Variants in MTTP observed in about 807,000 individuals in gnomAD.
The protein encoded by MTTP is microsomal triglyceride transfer protein large subunit.
A neutral mutation model predicts 90.6 loss-of-function variants in MTTP; 49 were observed. The ratio of observed to expected loss-of-function variants is 0.54; its 90% confidence interval spans 0.43 to 0.69. MTTP has a LOEUF of 0.69. Among genes scored for constraint, MTTP ranks in the 30% least tolerant of loss-of-function variants. The pLI, the probability that MTTP is intolerant of heterozygous loss-of-function variation, is 0.00. For missense variants in MTTP, 945 were observed against 1,067.5 expected, an observed-to-expected ratio of 0.89 and a Z score of 1.60; for synonymous variants, 347 against 384.2, an observed-to-expected ratio of 0.90 and a Z score of 1.13.
chr4:99,608,977 G>A lies in MTTP; in HGVS notation c.1769G>A (p.Ser590Asn), dbSNP rs199422222. The A allele has an allele frequency of 2.5e-6, 4 of 1,608,752 alleles. No homozygotes were observed. Among genetic ancestry groups the A allele is most frequent in the Admixed American group, 1.7e-5 (1 of 59,992 alleles). The change falls in exon 12 of 18, where the codon AGC becomes AAC. Residue 590 changes from serine (S) to asparagine (N), a missense_variant and splice_region_variant. Transcript: ENST00000265517. ...ATCCTACGTTTTGAAATGCCTGCAA[G>A]GTATAATACATTGCACATGTCTCTC... ...QDILRFEMPA[S>N]KIVRRVLKEM... is the part of the protein sequence containing the mutation.
chr4:99,603,760 T>A (rs552067872), intron 10 of MTTP, among the ~76,000 whole-genome samples: 1 of 152,216 alleles, frequency 6.6e-6, no homozygotes, highest in Admixed American at 6.5e-5. Context: ...AACAGGCAGG[T>A]GTCCACATTC....
chr4:99,591,839 T>C lies in MTTP; in HGVS notation c.758+49T>C, dbSNP rs376522475. ...TTTTCTTTGCTATTCTTTGTTATAT[T>C]ATTATACTTGATTTGTAAATAGATC... On this transcript the variant is annotated intron_variant, in intron 6 of 17. Transcript: ENST00000265517. The C allele has an allele frequency of 3.0e-5, 44 of 1,468,210 alleles. No homozygotes were observed. The African/African-American group carries it at 5.4e-4, about 18-fold the overall frequency. 90.9% of individuals were successfully genotyped at this position (1,468,210 alleles called of 1,614,324 possible). A position where few individuals can be genotyped will look rare whatever the true frequency, so the allele number is the denominator to read the frequency against.
At chr4:99,584,914 A>C (rs1415350684) in intron 3 of MTTP, among the ~76,000 whole-genome samples, 1 of 152,084 alleles carries the variant, frequency 6.6e-6, no homozygotes, top group Non-Finnish European at 1.5e-5. Context: ...TATTTTATGA[A>C]GCCTTCTCCG....
At chr4:99,591,812 T>C (rs1725429755) in intron 6 of MTTP, 22 bp downstream of exon 6, 1 of 1,581,334 alleles carries the variant, frequency 6.3e-7, no homozygotes, top group Admixed American at 1.7e-5. Flanking sequence ...CTAAAATTTT[T>C]ATTTTCTTTG....
intron 15 of MTTP, among the ~76,000 whole-genome samples, chr4:99,615,010 A>T (rs1726064215): frequency 6.6e-6 from 1 of 152,244 alleles, no homozygotes; most frequent in Non-Finnish European, 1.5e-5. Context: ...TAATGAAAGA[A>T]TCGTCTAAAG....
chr4:99,574,713 G>A (rs1327951418), upstream of MTTP: 31 of 1,258,312 alleles, frequency 2.5e-5, no homozygotes, highest in South Asian at 1.4e-4. Context: ...GCCCACCTAC[G>A]TTTAATCATT....
chr4:99,581,291 C>T (rs536467284), intron 1 of MTTP, among the ~76,000 whole-genome samples: 3 of 152,272 alleles, frequency 2.0e-5, no homozygotes, highest in East Asian at 3.9e-4. Flanking sequence ...TAAGCCTGTA[C>T]TAAGATTTCA....
chr4:99,580,601 G>A (rs1216212709), intron 1 of MTTP, among the ~76,000 whole-genome samples: 2,943 of 69,764 alleles, frequency 0.042, no homozygotes, highest in East Asian at 0.13. Context: ...AAAAAAAAAA[G>A]AATCATGTCT....
At chr4:99,586,734 T>C (rs7654460) in intron 3 of MTTP, among the ~76,000 whole-genome samples, 4,789 of 152,198 alleles carry the variant, frequency 0.031, 104 homozygotes, top group Non-Finnish European at 0.037. Flanking sequence ...CCTCTTATTC[T>C]TAAAATAAAT....
intron 1 of MTTP, among the ~76,000 whole-genome samples, chr4:99,580,744 A>G (rs1725089449): frequency 6.6e-6 from 1 of 152,146 alleles, no homozygotes; most frequent in Non-Finnish European, 1.5e-5. Flanking sequence ...ATAAGTTAAT[A>G]CATGTAACAT....
intron 1 of MTTP, among the ~76,000 whole-genome samples, chr4:99,566,288 CAAAAA>C (rs772513158): frequency 3.7e-5 from 3 of 80,448 alleles, no homozygotes; most frequent in Non-Finnish European, 7.2e-5. Context: ...TACTCCGTCT[CAAAAA>C]AAAGAAAAAA....
chr4:99,593,209 G>T (rs1424575737), intron 6 of MTTP, among the ~76,000 whole-genome samples: 2 of 152,034 alleles, frequency 1.3e-5, no homozygotes, highest in African/African-American at 4.8e-5. Flanking sequence ...ACAATTCACG[G>T]CACATGGTAA....
chr4:99,599,029 T>G (rs1324800015), intron 8 of MTTP, among the ~76,000 whole-genome samples: 1 of 152,166 alleles, frequency 6.6e-6, no homozygotes, highest in Non-Finnish European at 1.5e-5. Flanking sequence ...GGGATAATAA[T>G]TCTTTCTATT....
At chr4:99,579,788 AG>A (rs1452925456) in intron 1 of MTTP, among the ~76,000 whole-genome samples, 1 of 152,112 alleles carries the variant, frequency 6.6e-6, no homozygotes, top group East Asian at 1.9e-4. Flanking sequence ...CTGTAATCCC[AG>A]CACTTTGGGA....
chr4:99,570,671 G>C (rs1412890806), upstream of MTTP: 2 of 455,546 alleles, frequency 4.4e-6, no homozygotes, highest in African/African-American at 4.0e-5. Context: ...ACAGACCTCA[G>C]GGTAAAAAGA....
chr4:99,583,390 T>C lies in MTTP; in HGVS notation c.266T>C (p.Val89Ala), dbSNP rs1050037375. 6 of 1,613,190 alleles carry C rather than the reference T, an allele frequency of 3.7e-6. No individual in the cohort carries two copies. The Admixed American group carries it at 1.0e-4, about 27-fold the overall frequency. The part of the protein sequence containing the change: ...LIQITMKDVN[V>A]ENVNQQRGEK... ...TTACTCCAGATGAAGGATGTAAATGTTGAAAATGTGAATCAGCAGAGAGGA... is the reference window on the plus strand; with the variant it reads ...TTACTCCAGATGAAGGATGTAAATGCTGAAAATGTGAATCAGCAGAGAGGA... Residue 89 changes from valine (V) to alanine (A), a missense_variant, in exon 3 of 18, where the codon GTT (valine) becomes GCT (alanine). Transcript: ENST00000265517.
intron 15 of MTTP, among the ~76,000 whole-genome samples, chr4:99,617,674 A>G (rs113880206): frequency 0.023 from 3,537 of 152,276 alleles, 107 homozygotes; most frequent in Middle Eastern, 0.1. Context: ...TTCCAATCCA[A>G]CTAAAAAGTT....
At chr4:99,571,857 T>C (rs548916477), upstream of MTTP, among the ~76,000 whole-genome samples, 2 of 152,070 alleles carry the variant, frequency 1.3e-5, no homozygotes, top group South Asian at 2.1e-4. Context: ...TAAACTATTA[T>C]GACCATGTAG....
chr4:99,623,520 C>G lies in MTTP; in HGVS notation c.*672C>G, dbSNP rs1726297383. ...GAGGTTGTTCCAAAGACATTCAGGT[C>G]TCTACCTCCAGCCCTGCAAAAATAT... On this transcript the variant is annotated 3_prime_UTR_variant, in exon 18 of 18. Transcript: ENST00000265517. The G allele has an allele frequency of 6.5e-6, 1 of 153,366 alleles. No homozygotes were observed. The highest frequency in any genetic ancestry group is 1.5e-5 in the Non-Finnish European group (1 of 68,898). The allele number at this position is 153,366 out of a possible 1,614,324, so 9.5% of individuals were successfully genotyped here.
Sources: allele counts gnomAD v4.1 joint callset (sites outside exome capture counted in the v4.1 genomes callset), GRCh38; gene constraint gnomAD v4.1.1; transcripts MANE v1.5; gene names NCBI Gene and HGNC (gene_info 2026-07-23, HGNC 2026-07-21).